The following PRRC2C variants were observed in gnomAD, a reference collection of about 807,000 sequenced individuals.
PRRC2C encodes the protein protein PRRC2C.
PRRC2C carries 72 observed loss-of-function variants against 317.2 expected under a neutral mutation model. The ratio of observed to expected loss-of-function variants is 0.23; its 90% CI spans 0.19 to 0.28. The LOEUF is 0.28. PRRC2C is among the 10% of genes least tolerant of loss of function. PRRC2C has a pLI of 1.00. For missense variants in PRRC2C, 3,074 were observed against 3,459.7 expected (o/e 0.89, Z 2.80); for synonymous variants, 1,296 against 1,205.9 (o/e 1.07, Z -1.55).
At chr1:171,517,366 C>T (rs1301282807) in intron 5 of PRRC2C, among the ~76,000 whole-genome samples, 3 of 151,902 alleles carry the variant, frequency 2.0e-5, no homozygotes, top group Non-Finnish European at 4.4e-5. Context: ...TTTTCTTCTC[C>T]CACCCCAGTA....
chr1:171,578,536 A>G (rs897405695), intron 26 of PRRC2C, among the ~76,000 whole-genome samples: 4 of 151,690 alleles, frequency 2.6e-5, no homozygotes, highest in Non-Finnish European at 5.9e-5. Flanking sequence ...TCTCGTCGTA[A>G]TAATATGTGG....
chr1:171,518,224 G>A (rs1402340017), intron 6 of PRRC2C, among the ~76,000 whole-genome samples: 1 of 152,130 alleles, frequency 6.6e-6, no homozygotes, highest in African/African-American at 2.4e-5. Flanking sequence ...AAGCACGTAC[G>A]TTACCATACC....
chr1:171,489,203 T>C (rs142775965), intron 1 of PRRC2C, among the ~76,000 whole-genome samples: 287 of 152,344 alleles, frequency 1.9e-3, no homozygotes, highest in African/African-American at 6.6e-3. Context: ...AAGAAAATGC[T>C]GTCAGGTTTT....
Position 171,591,872 on chromosome 1 carries a change from T to TGGGAGG in PRRC2C, c.*29_*34dup. The TGGGAGG allele has an allele frequency of 1.8e-6, 1 of 568,604 alleles. No individual in the cohort carries two copies. The highest frequency in any genetic ancestry group is 5.3e-5 in the East Asian group (1 of 18,798). 35.2% of individuals were successfully genotyped at this position (568,604 alleles called of 1,614,324 possible). Reference sequence around the variant, plus strand: ...AAGGCTATGGTTTATTGCAGGGGATTGGGAGGGGGGCGGGAAAACATGGAG... The same window carrying TGGGAGG: ...AAGGCTATGGTTTATTGCAGGGGATTGGGAGGGGGAGGGGGGCGGGAAAACATGGAG... On this transcript the variant is annotated 3_prime_UTR_variant, in exon 35 of 35. Transcript: ENST00000647382.
At chr1:171,552,496 T>C (rs1680459374) in intron 18 of PRRC2C, among the ~76,000 whole-genome samples, 1 of 152,222 alleles carries the variant, frequency 6.6e-6, no homozygotes, top group African/African-American at 2.4e-5. Context: ...CTTCCAACAC[T>C]ATGCTGAATA....
rs749884986 is a variant in PRRC2C at position 171,541,704 on chromosome 1, G to A, written c.4238G>A (p.Arg1413Gln). The A allele has an allele frequency of 2.2e-5, 35 of 1,613,754 alleles. No individual in the cohort carries two copies. Among genetic ancestry groups the A allele is most frequent in the South Asian group, 7.7e-5 (7 of 91,066 alleles). The change falls in exon 16 of 35, where the codon CGA (arginine) becomes CAA (glutamine). Residue 1413 changes from arginine to glutamine, a missense_variant. Around this residue, in one of 11 missense-constraint regions of PRRC2C, gnomAD observed 1,320 missense variants for 1,395.7 expected, o/e 0.95. Transcript: ENST00000647382. This position sits in a 1 kb window ranked among gnomAD's most constrained non-coding sequence, Gnocchi z 4.1. ...AADKRPPKFE[R>Q]KFDPARERPR... ...GATAAACGACCTCCAAAATTTGAGC[G>A]AAAATTTGACCCAGCTAGAGAAAGG...
chr1:171,586,490 A>T (rs904689742), intron 30 of PRRC2C, among the ~76,000 whole-genome samples: 1 of 151,918 alleles, frequency 6.6e-6, no homozygotes, highest in Non-Finnish European at 1.5e-5. Flanking sequence ...TCAACTTGTC[A>T]TCACTAAGCA....
Position 171,536,122 on chromosome 1 carries a change from C to T in PRRC2C, c.2137C>T (p.Pro713Ser). Reference sequence around the variant, plus strand: ...ACAACCGTCCAGTAGTACTGTCCCTCCTCCACCACACAGACCTCTTTATCA... The same window carrying T: ...ACAACCGTCCAGTAGTACTGTCCCTTCTCCACCACACAGACCTCTTTATCA... ...PSQPSSSTVPPPPHRPLYQPM... is the reference protein window; with the variant it reads ...PSQPSSSTVPSPPHRPLYQPM... The change falls in exon 14 of 35, where the codon CCT becomes TCT. Residue 713 changes from proline (P) to serine (S), a missense_variant. By Grantham distance (74) the Pro-to-Ser change is moderately conservative (BLOSUM62 -1). This residue lies in a region of PRRC2C where 1,320 missense variants were observed against 1,395.7 expected (regional missense o/e 0.95). Transcript: ENST00000647382. 1.3e-6 allele frequency: 2 copies of T among 1,578,654 alleles called. No homozygotes were observed. Among genetic ancestry groups the T allele is most frequent in the East Asian group, 4.6e-5 (2 of 43,602 alleles).
chr1:171,523,106 G>T, intron 7 of PRRC2C, 115 bp from the exon 8 acceptor site: 1 of 899,828 alleles, frequency 1.1e-6, no homozygotes, highest in Non-Finnish European at 1.6e-6. Flanking sequence ...AACATATTAG[G>T]TATCTTGGTG....
At chr1:171,575,981 C>T (rs527456053) in intron 25 of PRRC2C, among the ~76,000 whole-genome samples, 1 of 152,202 alleles carries the variant, frequency 6.6e-6, no homozygotes, top group South Asian at 2.1e-4. Context: ...AAAAGCTGGT[C>T]TTAGGTTTAT....
At chr1:171,544,154 A>G (rs1452486302) in intron 16 of PRRC2C, among the ~76,000 whole-genome samples, 1 of 151,390 alleles carries the variant, frequency 6.6e-6, no homozygotes, top group Non-Finnish European at 1.5e-5. Flanking sequence ...ACGGAGTCTC[A>G]CTCTGTCACC....
In PRRC2C at chr1:171,495,315, A is replaced by C. The variant is rs75681445; in HGVS notation, c.-58+9580A>C. Reference sequence around the variant, plus strand: ...ATCCAGTTTCTGAACTGTTAATATGACTGTATAACTAATTGTTTAATTCTG... The same window carrying C: ...ATCCAGTTTCTGAACTGTTAATATGCCTGTATAACTAATTGTTTAATTCTG... On this transcript the variant is annotated intron_variant, in intron 1 of 34. Transcript: ENST00000647382. 9.4e-3 allele frequency among the ~76,000 whole-genome samples: 1,428 copies of C among 152,284 alleles called. 11 individuals carry two copies. The highest frequency in any genetic ancestry group is 0.016 in the Non-Finnish European group (1,103 of 68,020).
Position 171,545,578 on chromosome 1 carries a change from G to A in PRRC2C, c.4863G>A (p.Lys1621=). ...GAGTACCTAATGGTACAGGACAAAA[G>A]AACTCCAAAGATTCTACTGGGAAAA... ...QEGVPNGTGQ[K]NSKDSTGKKR... is the part of the protein sequence containing the mutation. Residue 1621 remains lysine, a synonymous_variant, in exon 17 of 35, where the codon AAG becomes AAA. Coordinates refer to ENST00000647382, the MANE Select transcript of PRRC2C (RefSeq NM_001387844.1). 6.2e-7 allele frequency: 1 copy of A among 1,609,034 alleles called. No individual in the cohort carries two copies. The highest frequency in any genetic ancestry group is 8.5e-7 in the Non-Finnish European group (1 of 1,177,568).
chr1:171,566,544 A>G (rs2102715308), intron 21 of PRRC2C, 48 bp from the exon 22 acceptor site: 1 of 1,502,094 alleles, frequency 6.7e-7, no homozygotes, highest in African/African-American at 1.4e-5. Context: ...ATGATGAAAG[A>G]TACTCATCTA....
rs148105554 is a variant in PRRC2C, at chr1:171,574,976, A to C, written c.6803A>C (p.Lys2268Thr). The stretch of plus-strand genomic sequence containing the variant: ...GAGAATTCTCCAAATGTAAGGGAAA[A>C]GGGGTCTCCAGTAACTTCCACAGCA... Reference protein sequence around the residue: ...AWENSPNVREKGSPVTSTAPP... With the variant: ...AWENSPNVRETGSPVTSTAPP... The change falls in exon 25 of 35, where the codon AAG becomes ACG. Residue 2268 changes from lysine to threonine, a missense_variant. By Grantham distance (78) the Lys-to-Thr change is moderately conservative (BLOSUM62 -1). Around this residue, in one of 11 missense-constraint regions of PRRC2C, gnomAD observed 490 missense variants for 663.1 expected, o/e 0.74. Coordinates refer to ENST00000647382, the MANE Select transcript of PRRC2C (RefSeq NM_001387844.1). 1.5e-5 allele frequency: 25 copies of C among 1,613,776 alleles called. No individual in the cohort carries two copies. The highest frequency in any genetic ancestry group is 1.9e-5 in the Non-Finnish European group (23 of 1,179,864).
intron 17 of PRRC2C, among the ~76,000 whole-genome samples, chr1:171,549,754 G>T (rs1679834523): frequency 6.6e-6 from 1 of 152,108 alleles, no homozygotes. Context: ...TAGAGACAGA[G>T]TTTTGCCATG....
At chr1:171,545,739 T>G in intron 17 of PRRC2C, 52 bp downstream of exon 17, 1 of 1,125,502 alleles carries the variant, frequency 8.9e-7, no homozygotes, top group Admixed American at 4.1e-5. Flanking sequence ...ATTTATTTAT[T>G]TATTTATTTG....
At chr1:171,537,135 G>T in intron 14 of PRRC2C, 128 bp from the exon 15 acceptor site, 1 of 700,956 alleles carries the variant, frequency 1.4e-6, no homozygotes, top group Non-Finnish European at 2.3e-6. Flanking sequence ...TTTTACTCAG[G>T]AAAAAAATGC....
chr1:171,516,856 C>T (rs190807743), intron 5 of PRRC2C, among the ~76,000 whole-genome samples: 1 of 152,100 alleles, frequency 6.6e-6, no homozygotes, highest in Admixed American at 6.5e-5. Context: ...ATGGCTTCTG[C>T]AGAATAAATG....
Sources: allele counts gnomAD v4.1 joint callset (sites outside exome capture counted in the v4.1 genomes callset), GRCh38; gene constraint gnomAD v4.1.1; regional missense constraint gnomAD v4.1.1; non-coding constraint Gnocchi (gnomAD v3.1); transcripts MANE v1.5; gene names NCBI Gene and HGNC (gene_info 2026-07-23, HGNC 2026-07-21).